PAK5: variants seen among roughly 807,000 people sequenced by gnomAD.
PAK5 encodes the protein p21 (RAC1) activated kinase 5.
Under a neutral mutation model 65.9 loss-of-function variants are expected in PAK5, and 16 were observed. That is an observed-to-expected ratio of 0.24 (90% CI 0.16 to 0.37). PAK5 has a LOEUF of 0.37. Ranked by LOEUF, PAK5 falls within the 10% of genes least tolerant of loss-of-function variation. The pLI is 1.00. For synonymous variants in PAK5, 371 were observed against 354.9 expected (o/e 1.05, Z -0.51); for missense variants, 785 against 903.9 (o/e 0.87, Z 1.69).
intron 2 of PAK5, among the ~76,000 whole-genome samples, chr20:9,650,101 C>T (rs1163617494): frequency 6.6e-6 from 1 of 152,194 alleles, no homozygotes; most frequent in East Asian, 1.9e-4. Flanking sequence ...CTCCATTCTA[C>T]ATGGAGTTAA....
chr20:9,673,753 T>C (rs1227495346), intron 2 of PAK5, among the ~76,000 whole-genome samples: 4 of 152,180 alleles, frequency 2.6e-5, no homozygotes, highest in Non-Finnish European at 5.9e-5. Context: ...TTATAGTTTT[T>C]ATGGGACATT....
chr20:9,783,614 C>T (rs1360350064), intron 1 of PAK5, among the ~76,000 whole-genome samples: 1 of 152,068 alleles, frequency 6.6e-6, no homozygotes, highest in Non-Finnish European at 1.5e-5. Context: ...TTTGTTTCTC[C>T]GAGGAAGATA....
At position 9,807,223 on chromosome 20, in the gene PAK5, T is replaced by A. The variant is rs141228886; in HGVS notation, c.-162+31539A>T. On this transcript the variant is annotated intron_variant, in intron 1 of 9. Coordinates refer to ENST00000353224, the MANE Select transcript of PAK5 (RefSeq NM_177990.4). ...TGTTCTGTGGTTCTGGGGATTGAGA[T>A]GTAGACATATTTGAAGAGTCATTAT... Among the ~76,000 whole-genome samples, 3 of 152,320 alleles carry A rather than the reference T, an allele frequency of 2.0e-5. No individual in the cohort carries two copies. The East Asian group carries it at 5.8e-4, about 29-fold the overall frequency.
chr20:9,807,404 G>A (rs2049245798), intron 1 of PAK5, among the ~76,000 whole-genome samples: 1 of 152,036 alleles, frequency 6.6e-6, no homozygotes, highest in Non-Finnish European at 1.5e-5. Flanking sequence ...GCACCCATAC[G>A]GCAGGGTGGA....
chr20:9,652,739 G>A (rs2047217817), intron 2 of PAK5, among the ~76,000 whole-genome samples: 1 of 152,188 alleles, frequency 6.6e-6, no homozygotes, highest in South Asian at 2.1e-4. Context: ...AGAAACAGCT[G>A]TAACCCCTTT....
chr20:9,737,704 G>A (rs1028682047), intron 1 of PAK5, among the ~76,000 whole-genome samples: 1 of 152,160 alleles, frequency 6.6e-6, no homozygotes, highest in Non-Finnish European at 1.5e-5. Context: ...TGAATATTTA[G>A]AGATGACAAC....
chr20:9,748,684 C>T (rs111391763), intron 1 of PAK5, among the ~76,000 whole-genome samples: 2,817 of 152,134 alleles, frequency 0.019, 75 homozygotes, highest in African/African-American at 0.062. Context: ...TATTTGGACA[C>T]CCACATAACA....
At chr20:9,657,238 A>G (rs1022175003) in intron 2 of PAK5, among the ~76,000 whole-genome samples, 1 of 152,212 alleles carries the variant, frequency 6.6e-6, no homozygotes, top group Non-Finnish European at 1.5e-5. Context: ...AAATGAAATC[A>G]TAGATTATAT....
chr20:9,657,025 T>C (rs934645604), intron 2 of PAK5, among the ~76,000 whole-genome samples: 1 of 152,208 alleles, frequency 6.6e-6, no homozygotes, highest in African/African-American at 2.4e-5. Flanking sequence ...ACAATGTATG[T>C]ATATATGTCT....
intron 1 of PAK5, among the ~76,000 whole-genome samples, chr20:9,835,979 T>C (rs542967210): frequency 1.3e-5 from 2 of 152,264 alleles, no homozygotes; most frequent in South Asian, 2.1e-4. Context: ...ACAAATCAAC[T>C]GGGGGCACAG....
chr20:9,700,124 A>G (rs2047921057), intron 2 of PAK5, among the ~76,000 whole-genome samples: 1 of 152,136 alleles, frequency 6.6e-6, no homozygotes, highest in South Asian at 2.1e-4. Flanking sequence ...TATCAACAGC[A>G]TGTTCTGCCA....
chr20:9,571,324 C>T (rs561936154), intron 4 of PAK5, among the ~76,000 whole-genome samples: 3 of 152,308 alleles, frequency 2.0e-5, no homozygotes, highest in East Asian at 1.9e-4. Context: ...TATCACCAGC[C>T]CACACACTTT....
At chr20:9,630,312 G>C (rs562665957) in intron 3 of PAK5, among the ~76,000 whole-genome samples, 1 of 152,158 alleles carries the variant, frequency 6.6e-6, no homozygotes, top group Admixed American at 6.5e-5. Context: ...AAGATCAAAA[G>C]ACAAAACTAT....
At chr20:9,769,724 A>G (rs2048812174) in intron 1 of PAK5, among the ~76,000 whole-genome samples, 2 of 152,320 alleles carry the variant, frequency 1.3e-5, no homozygotes, top group East Asian at 1.9e-4. Flanking sequence ...AAATGCTCCA[A>G]CAAAGGTGAT....
At chr20:9,581,338 A>T (rs2045977452) in intron 3 of PAK5, among the ~76,000 whole-genome samples, 2 of 152,218 alleles carry the variant, frequency 1.3e-5, no homozygotes, top group Non-Finnish European at 1.5e-5. Flanking sequence ...AATAAAAAAT[A>T]ATATTTATTA....
chr20:9,547,394 C>A (rs555561250), intron 7 of PAK5, among the ~76,000 whole-genome samples: 1 of 152,212 alleles, frequency 6.6e-6, no homozygotes, highest in Non-Finnish European at 1.5e-5. Flanking sequence ...GCTCTTACTA[C>A]CTGCCAGGTA....
At chr20:9,546,929 A>G (rs1167520119) in intron 7 of PAK5, among the ~76,000 whole-genome samples, 1 of 152,246 alleles carries the variant, frequency 6.6e-6, no homozygotes, top group Non-Finnish European at 1.5e-5. Context: ...GATAATTATT[A>G]CTATTCTCTA....
At chr20:9,801,084 T>C (rs534950515) in intron 1 of PAK5, among the ~76,000 whole-genome samples, 1 of 152,210 alleles carries the variant, frequency 6.6e-6, no homozygotes, top group East Asian at 1.9e-4. Flanking sequence ...ATGGAATCAG[T>C]AAACAATAGA....
chr20:9,628,328 G>A lies in PAK5; in HGVS notation c.204+15797C>T, dbSNP rs1041357288. Among the ~76,000 whole-genome samples, 9 of 152,096 alleles carry A rather than the reference G, an allele frequency of 5.9e-5. 1 individual carries two copies. Among genetic ancestry groups the A allele is most frequent in the Admixed American group, 5.2e-4 (8 of 15,274 alleles). On this transcript the variant is annotated intron_variant, in intron 3 of 9. Transcript: ENST00000353224. ...GAATCAAGATTTTTTTATTTATCTT[G>A]GATGGTTTGGCTCCAGAGGGCTCTT...
Sources: allele counts gnomAD v4.1 joint callset (sites outside exome capture counted in the v4.1 genomes callset), GRCh38; gene constraint gnomAD v4.1.1; transcripts MANE v1.5; gene names NCBI Gene and HGNC (gene_info 2026-07-23, HGNC 2026-07-21).